MIA2: variants seen among roughly 807,000 people sequenced by gnomAD.
MIA2 encodes the protein melanoma inhibitory activity protein 2.
Under a neutral mutation model 167.8 loss-of-function variants are expected in MIA2, and 127 were observed. That is an observed-to-expected ratio of 0.76 (90% CI 0.66 to 0.88). MIA2 has a LOEUF of 0.88. Ranked by LOEUF, MIA2 falls within the 40% of genes least tolerant of loss-of-function variation. MIA2 has a pLI of 0.00. For missense variants in MIA2, 1,690 were observed against 1,624.7 expected, an observed-to-expected ratio of 1.04 and a Z score of -0.69; for synonymous variants, 552 against 541.9, an observed-to-expected ratio of 1.02 and a Z score of -0.26.
downstream of MIA2, among the ~76,000 whole-genome samples, chr14:39,351,994 C>T (rs909533096): frequency 1.5e-5 from 2 of 134,818 alleles, no homozygotes; most frequent in Admixed American, 1.4e-4. Flanking sequence ...GTCAAATGAC[C>T]GATTTTTTTT....
At chr14:39,240,000 T>C (rs954727062) in intron 2 of MIA2, among the ~76,000 whole-genome samples, 18 of 152,220 alleles carry the variant, frequency 1.2e-4, no homozygotes, top group Admixed American at 3.3e-4. Context: ...ACAATCTGCC[T>C]GTGCTTGAAC....
At chr14:39,236,107 A>G (rs550759449) in intron 1 of MIA2, among the ~76,000 whole-genome samples, 11 of 152,266 alleles carry the variant, frequency 7.2e-5, no homozygotes, top group Non-Finnish European at 1.5e-4. Context: ...GGGAAATCAG[A>G]TGAGATGTAA....
intron 3 of MIA2, among the ~76,000 whole-genome samples, chr14:39,246,080 A>ATTTT (rs1464039377): frequency 4.3e-5 from 2 of 46,950 alleles, no homozygotes; most frequent in Non-Finnish European, 8.2e-5. Context: ...ATTTTTAAAA[A>ATTTT]TTTTTATTTA....
chr14:39,269,672 C>G (rs1354616869), intron 6 of MIA2, among the ~76,000 whole-genome samples: 1 of 152,016 alleles, frequency 6.6e-6, no homozygotes, highest in Non-Finnish European at 1.5e-5. Flanking sequence ...GCACATGCCA[C>G]CAGGCCTGGC....
chr14:39,354,595 T>C (rs1421742410), downstream of MIA2, among the ~76,000 whole-genome samples: 1 of 152,236 alleles, frequency 6.6e-6, no homozygotes, highest in African/African-American at 2.4e-5. Context: ...TTGGCTTTTG[T>C]TGCCATTGCT....
In MIA2 at chr14:39,236,960, G is replaced by C; in HGVS notation, c.154G>C (p.Gly52Arg). 1.9e-6 allele frequency: 3 copies of C among 1,613,918 alleles called. No individual in the cohort carries two copies. The highest frequency in any genetic ancestry group is 2.5e-6 in the Non-Finnish European group (3 of 1,179,846). The change falls in exon 2 of 29, where the codon GGA becomes CGA. Residue 52 changes from glycine (G) to arginine (R), a missense_variant. Gly to Arg is a moderately radical substitution (Grantham distance 125). Transcript: ENST00000640607. Reference sequence around the variant, plus strand: ...AGTCTCAGCCATGAGAGATTATAGAGGACCTGACTGCCGATACCTGAACTT... The same window carrying C: ...AGTCTCAGCCATGAGAGATTATAGACGACCTGACTGCCGATACCTGAACTT... The part of the protein sequence containing the change: ...NRVSAMRDYR[G>R]PDCRYLNFTK...
chr14:39,262,605 C>T (rs2055176686), intron 6 of MIA2, among the ~76,000 whole-genome samples: 1 of 152,118 alleles, frequency 6.6e-6, no homozygotes, highest in Non-Finnish European at 1.5e-5. Context: ...TTACCTTGGG[C>T]AGTATGGCCA....
downstream of MIA2, among the ~76,000 whole-genome samples, chr14:39,351,887 G>A (rs1354127987): frequency 1.3e-5 from 2 of 152,142 alleles, no homozygotes; most frequent in East Asian, 1.9e-4. Flanking sequence ...GATTACAGGC[G>A]TGAGCCACCG....
chr14:39,239,370 A>AAT (rs991966311), intron 2 of MIA2, among the ~76,000 whole-genome samples: 38 of 145,652 alleles, frequency 2.6e-4, no homozygotes, highest in East Asian at 1.4e-3. Context: ...GCATAGCAAG[A>AAT]ATACACACAC....
intron 23 of MIA2, among the ~76,000 whole-genome samples, chr14:39,379,507 A>G (rs1235836286): frequency 6.6e-6 from 1 of 152,148 alleles, no homozygotes; most frequent in East Asian, 1.9e-4. Flanking sequence ...CAAACAACGC[A>G]CCACCTTCTG....
chr14:39,279,192 C>A, intron 7 of MIA2, 145 bp from the exon 8 acceptor site: 4 of 507,872 alleles, frequency 7.9e-6, no homozygotes, highest in Non-Finnish European at 1.4e-5. Context: ...TTTATTTTCT[C>A]ATTGGAAACA....
chr14:39,259,965 T>C (rs1313920170), intron 6 of MIA2, among the ~76,000 whole-genome samples: 1 of 152,118 alleles, frequency 6.6e-6, no homozygotes, highest in African/African-American at 2.4e-5. Context: ...GGTGTTTGGT[T>C]TTCTGTCCTT....
chr14:39,288,427 TTATACATATA>T, intron 9 of MIA2, among the ~76,000 whole-genome samples: 2 of 118,008 alleles, frequency 1.7e-5, no homozygotes, highest in South Asian at 3.0e-4. Flanking sequence ...CGTGTATATA[TTATACATATA>T]TATATATATA....
At chr14:39,288,755 C>T (rs990850627) in intron 9 of MIA2, among the ~76,000 whole-genome samples, 5 of 151,752 alleles carry the variant, frequency 3.3e-5, no homozygotes, top group African/African-American at 7.3e-5. Flanking sequence ...GCCACTGTGC[C>T]GGCCAATTTG....
downstream of MIA2, among the ~76,000 whole-genome samples, chr14:39,355,826 G>A (rs554830111): frequency 6.6e-5 from 10 of 152,148 alleles, no homozygotes; most frequent in Non-Finnish European, 8.8e-5. Flanking sequence ...GGTTTTTGTC[G>A]TTGGTTCTGT....
At chr14:39,373,168 G>T (rs986562368) in intron 23 of MIA2, among the ~76,000 whole-genome samples, 1 of 152,060 alleles carries the variant, frequency 6.6e-6, no homozygotes, top group Admixed American at 6.6e-5. Context: ...AAGTGAAAAA[G>T]GATTTAATTA....
At chr14:39,359,160 C>T (rs1166458061) in intron 23 of MIA2, among the ~76,000 whole-genome samples, 2 of 152,196 alleles carry the variant, frequency 1.3e-5, no homozygotes, top group East Asian at 1.9e-4. Context: ...GTGGAGTCTA[C>T]AGAGGCAGGC....
Position 39,303,566 on chromosome 14 carries a change from A to G in MIA2, c.2787+42A>G, listed in dbSNP as rs749316409. The stretch of plus-strand genomic sequence containing the variant: ...ACTTAAAAAGAATAAGGAGGAAGAA[A>G]GAGAACGTGGATTACTCATGTCCCA... On this transcript the variant is annotated intron_variant, in intron 16 of 28. Coordinates refer to ENST00000640607, the MANE Select transcript of MIA2 (RefSeq NM_001329214.4). 4 of 1,440,276 alleles carry G rather than the reference A, an allele frequency of 2.8e-6. No individual in the cohort carries two copies. In the Admixed American group the frequency reaches 7.1e-5, roughly 26 times the overall value. The allele number at this position is 1,440,276 out of a possible 1,614,324, so 89.2% of individuals were successfully genotyped here. A position where few individuals can be genotyped will look rare whatever the true frequency, so the allele number is the denominator to read the frequency against.
intron 28 of MIA2, among the ~76,000 whole-genome samples, chr14:39,349,728 C>A (rs956357873): frequency 2.2e-4 from 33 of 152,246 alleles, no homozygotes; most frequent in African/African-American, 7.5e-4. Context: ...AATTGGGAAT[C>A]ACTAATACGA....
Sources: allele counts gnomAD v4.1 joint callset (sites outside exome capture counted in the v4.1 genomes callset), GRCh38; gene constraint gnomAD v4.1.1; transcripts MANE v1.5; gene names NCBI Gene and HGNC (gene_info 2026-07-23, HGNC 2026-07-21).